The following SGCZ variants were observed in gnomAD, a reference collection of about 807,000 sequenced individuals.
SGCZ encodes sarcoglycan zeta, also known as zeta-sarcoglycan.
In SGCZ, 40 loss-of-function variants were observed where a neutral mutation model predicts 41.3. The observed-to-expected ratio is 0.97, with a 90% CI of 0.75 to 1.26. SGCZ has a LOEUF of 1.26. Ranked by LOEUF, SGCZ falls within the 50% of genes most tolerant of loss-of-function variation. SGCZ has a pLI of 0.00. For synonymous variants in SGCZ, 206 were observed against 137.5 expected, an observed-to-expected ratio of 1.50 and a Z score of -3.49; for missense variants, 552 against 369.8, an observed-to-expected ratio of 1.49 and a Z score of -4.04.
intron 2 of SGCZ, among the ~76,000 whole-genome samples, chr8:14,462,483 C>T (rs1410806118): frequency 6.6e-6 from 1 of 151,708 alleles, no homozygotes; most frequent in African/African-American, 2.4e-5. Flanking sequence ...AAAACTATAC[C>T]CATTATAAAA....
chr8:14,897,504 T>C (rs938838801), intron 1 of SGCZ, among the ~76,000 whole-genome samples: 2 of 152,160 alleles, frequency 1.3e-5, no homozygotes, highest in Non-Finnish European at 2.9e-5. Context: ...TTCTTTCCCT[T>C]TTCAACATGT....
At chr8:14,136,224 C>T (rs1392022379) in intron 5 of SGCZ, among the ~76,000 whole-genome samples, 1 of 152,100 alleles carries the variant, frequency 6.6e-6, no homozygotes, top group Non-Finnish European at 1.5e-5. Flanking sequence ...CTACAGCTCC[C>T]AGTGTGAGTG....
At chr8:14,523,667 C>T (rs1309817286) in intron 2 of SGCZ, among the ~76,000 whole-genome samples, 1 of 151,988 alleles carries the variant, frequency 6.6e-6, no homozygotes, top group Non-Finnish European at 1.5e-5. Flanking sequence ...GAATTTTCCA[C>T]ATTTTAGATT....
intron 2 of SGCZ, among the ~76,000 whole-genome samples, chr8:14,371,714 T>G (rs1022336709): frequency 6.6e-6 from 1 of 152,118 alleles, no homozygotes; most frequent in African/African-American, 2.4e-5. Context: ...AGGAAGTCAG[T>G]AACCTGGAGG....
intron 1 of SGCZ, among the ~76,000 whole-genome samples, chr8:15,231,594 T>C (rs991449369): frequency 3.3e-5 from 5 of 150,616 alleles, no homozygotes; most frequent in African/African-American, 1.2e-4. Flanking sequence ...ATAAAAACTT[T>C]GGATGTTAAT....
chr8:14,884,023 A>G (rs936122981), intron 1 of SGCZ, among the ~76,000 whole-genome samples: 40 of 152,108 alleles, frequency 2.6e-4, no homozygotes, highest in Admixed American at 1.6e-3. Context: ...TAATGGAGCC[A>G]ACCATTTGTT....
chr8:14,829,350 CTAAATGGCTGGTATCATCCCT>C (rs1802447137), intron 1 of SGCZ, among the ~76,000 whole-genome samples: 2 of 151,394 alleles, frequency 1.3e-5, no homozygotes, highest in African/African-American at 4.9e-5. Flanking sequence ...CAGGGATAGA[CTAAATGGCTGGTATCATCCCT>C]TACAAAAGTG....
chr8:14,248,088 T>A (rs1437855935), intron 3 of SGCZ, among the ~76,000 whole-genome samples: 1 of 152,192 alleles, frequency 6.6e-6, no homozygotes, highest in Non-Finnish European at 1.5e-5. Flanking sequence ...TTAAATCACT[T>A]CTTTTTATGG....
At chr8:14,770,272 C>A (rs999683006) in intron 1 of SGCZ, among the ~76,000 whole-genome samples, 2 of 151,336 alleles carry the variant, frequency 1.3e-5, no homozygotes, top group African/African-American at 4.8e-5. Flanking sequence ...CAAGACAGAC[C>A]CATCTGAAAA....
In SGCZ at chr8:14,278,740, G is replaced by A. The variant is rs1302867669; in HGVS notation, c.337-41061C>T. On this transcript the variant is annotated intron_variant, in intron 3 of 7. Transcript: ENST00000382080. ...TCTAAGTATCATACCAAACACTTAG[G>A]TTAATAATGGTAGCAGCACTTCATT... Among the ~76,000 whole-genome samples the A allele has an allele frequency of 2.0e-5, 3 of 152,106 alleles. No homozygotes were observed. The East Asian group carries it at 5.8e-4, about 29-fold the overall frequency.
intron 1 of SGCZ, among the ~76,000 whole-genome samples, chr8:14,760,556 A>T (rs1347178717): frequency 6.6e-6 from 1 of 152,224 alleles, no homozygotes; most frequent in Non-Finnish European, 1.5e-5. Context: ...AAAATACGGC[A>T]TGTAACCCTC....
intron 1 of SGCZ, among the ~76,000 whole-genome samples, chr8:14,785,624 A>G (rs556155461): frequency 6.6e-6 from 1 of 152,282 alleles, no homozygotes; most frequent in Admixed American, 6.5e-5. Context: ...AAGCTTGACA[A>G]TGTTCTGACC....
chr8:15,089,326 G>C (rs1389033476), intron 1 of SGCZ, among the ~76,000 whole-genome samples: 1 of 152,130 alleles, frequency 6.6e-6, no homozygotes, highest in Non-Finnish European at 1.5e-5. Flanking sequence ...TCAAATGAGT[G>C]TAATGATAAT....
intron 1 of SGCZ, among the ~76,000 whole-genome samples, chr8:15,129,340 T>C (rs947890009): frequency 6.6e-6 from 1 of 152,178 alleles, no homozygotes; most frequent in African/African-American, 2.4e-5. Context: ...AGTTAACACT[T>C]AGAGTCTATG....
chr8:15,146,752 G>C (rs1331751553), intron 1 of SGCZ, among the ~76,000 whole-genome samples: 3 of 151,892 alleles, frequency 2.0e-5, no homozygotes, highest in Admixed American at 2.0e-4. Flanking sequence ...TAATTACTTT[G>C]ACAAAAATAT....
At chr8:14,308,066 G>A (rs533279012) in intron 3 of SGCZ, among the ~76,000 whole-genome samples, 1 of 151,952 alleles carries the variant, frequency 6.6e-6, no homozygotes, top group African/African-American at 2.4e-5. Flanking sequence ...AGTAAATTAG[G>A]GATAAAGATT....
At chr8:15,138,896 G>T (rs1302479954) in intron 1 of SGCZ, among the ~76,000 whole-genome samples, 4 of 151,990 alleles carry the variant, frequency 2.6e-5, no homozygotes, top group Non-Finnish European at 2.9e-5. Context: ...AGTTCAAAAG[G>T]GAAAAGCAAA....
intron 1 of SGCZ, among the ~76,000 whole-genome samples, chr8:15,080,479 G>A (rs1250785950): frequency 6.6e-6 from 1 of 152,132 alleles, no homozygotes; most frequent in Non-Finnish European, 1.5e-5. Context: ...AGCCTAAAAT[G>A]TATATGTCTT....
In SGCZ at chr8:14,594,977, A is replaced by C. The variant is rs561948528; in HGVS notation, c.40-40051T>G. Among the ~76,000 whole-genome samples, 135 of 152,124 alleles carry C rather than the reference A, an allele frequency of 8.9e-4. 1 individual carries two copies. Among genetic ancestry groups the C allele is most frequent in the African/African-American group, 2.6e-3 (106 of 41,396 alleles). On this transcript the variant is annotated intron_variant, in intron 1 of 7. Transcript: ENST00000382080. ...AAGGAGAAATTTCCATATCCTAATTAGTAAAGCCTTTGTTATATATTTTAT... is the reference window on the plus strand; with the variant it reads ...AAGGAGAAATTTCCATATCCTAATTCGTAAAGCCTTTGTTATATATTTTAT...
Sources: allele counts gnomAD v4.1 joint callset (sites outside exome capture counted in the v4.1 genomes callset), GRCh38; gene constraint gnomAD v4.1.1; transcripts MANE v1.5; gene names NCBI Gene and HGNC (gene_info 2026-07-23, HGNC 2026-07-21).